Variants in NCAM2 observed in about 807,000 individuals in gnomAD.
NCAM2 encodes neural cell adhesion molecule 2, also known as N-CAM-2.
NCAM2 carries 30 observed loss-of-function variants against 98.1 expected under a neutral mutation model. That is an observed-to-expected ratio of 0.31 (90% CI 0.23 to 0.41). The LOEUF is 0.41. Ranked by LOEUF, NCAM2 falls within the 10% of genes least tolerant of loss-of-function variation. The pLI, the probability that NCAM2 is intolerant of heterozygous loss-of-function variation, is 1.00. For synonymous variants in NCAM2, 368 were observed against 342.4 expected (o/e 1.07, Z -0.83); for missense variants, 867 against 1,005.8 (o/e 0.86, Z 1.87).
intron 11 of NCAM2, among the ~76,000 whole-genome samples, chr21:21,431,147 A>G (rs1321671111): frequency 1.1e-5 from 1 of 87,758 alleles, no homozygotes; most frequent in African/African-American, 3.8e-5. Context: ...GTGTGTGTGT[A>G]TACATATATA....
chr21:21,461,997 T>G (rs2408127), intron 12 of NCAM2, among the ~76,000 whole-genome samples: 1 of 151,764 alleles, frequency 6.6e-6, no homozygotes, highest in Admixed American at 6.6e-5. Flanking sequence ...CCTGCAGAAG[T>G]CAGTCAGATA....
At chr21:21,493,301 T>G (rs1431958482) in intron 15 of NCAM2, among the ~76,000 whole-genome samples, 4 of 151,912 alleles carry the variant, frequency 2.6e-5, no homozygotes, top group African/African-American at 9.7e-5. Context: ...AAGTTGTTTT[T>G]ATAGGAGATA....
chr21:21,344,249 T>C (rs566011553), intron 8 of NCAM2, among the ~76,000 whole-genome samples: 19 of 152,098 alleles, frequency 1.2e-4, no homozygotes, highest in Non-Finnish European at 2.2e-4. Flanking sequence ...GATACCCAGG[T>C]ACTACGTCAA....
intron 8 of NCAM2, among the ~76,000 whole-genome samples, chr21:21,371,121 C>A (rs908451123): frequency 1.1e-4 from 16 of 151,482 alleles, no homozygotes; most frequent in African/African-American, 3.6e-4. Flanking sequence ...AGGAGCAAAT[C>A]CAGAGGAAAG....
intron 1 of NCAM2, among the ~76,000 whole-genome samples, chr21:21,221,088 C>T (rs2070129659): frequency 1.3e-5 from 2 of 152,042 alleles, no homozygotes; most frequent in Admixed American, 1.3e-4. Context: ...GATCAGTGAT[C>T]TTTGAAGATA....
chr21:21,408,363 A>G lies in NCAM2; in HGVS notation c.1196-1911A>G, dbSNP rs140405105. On this transcript the variant is annotated intron_variant, in intron 9 of 17. Transcript: ENST00000400546. Reference sequence around the variant, plus strand: ...TAAGTACAAAGATGTACCACCATTTATGGGATGTTAAGTTGTTTTCAGTTT... The same window carrying G: ...TAAGTACAAAGATGTACCACCATTTGTGGGATGTTAAGTTGTTTTCAGTTT... Among the ~76,000 whole-genome samples the G allele has an allele frequency of 1.3e-3, 192 of 152,348 alleles. 3 individuals carry two copies. In the East Asian group the frequency reaches 0.033, roughly 26 times the overall value.
At chr21:21,006,039 C>A (rs751280796) in intron 1 of NCAM2, among the ~76,000 whole-genome samples, 1 of 152,068 alleles carries the variant, frequency 6.6e-6, no homozygotes, top group Non-Finnish European at 1.5e-5. Flanking sequence ...GCCTGATTTG[C>A]CCAGAGATTT....
chr21:21,352,921 C>G (rs2075381831), intron 8 of NCAM2, among the ~76,000 whole-genome samples: 1 of 151,446 alleles, frequency 6.6e-6, no homozygotes, highest in South Asian at 2.1e-4. Flanking sequence ...TGGCACGATC[C>G]CAGCCCACCA....
At chr21:21,340,755 C>A (rs1218735478) in intron 8 of NCAM2, among the ~76,000 whole-genome samples, 1 of 151,946 alleles carries the variant, frequency 6.6e-6, no homozygotes, top group African/African-American at 2.4e-5. Context: ...AATGGTTGAG[C>A]TGAACTTTGA....
chr21:21,045,005 T>G (rs1347918829), intron 1 of NCAM2, among the ~76,000 whole-genome samples: 2 of 152,162 alleles, frequency 1.3e-5, no homozygotes, highest in African/African-American at 4.8e-5. Flanking sequence ...TATATCTATA[T>G]ATAAAAACAC....
chr21:21,007,227 A>G (rs540310020), intron 1 of NCAM2, among the ~76,000 whole-genome samples: 3 of 152,280 alleles, frequency 2.0e-5, no homozygotes, highest in East Asian at 3.9e-4. Flanking sequence ...TTTGTTCTCA[A>G]TATTAATGAG....
intron 1 of NCAM2, among the ~76,000 whole-genome samples, chr21:21,059,998 A>G (rs193175944): frequency 2.1e-4 from 32 of 152,212 alleles, no homozygotes; most frequent in Admixed American, 1.9e-3. Context: ...TGGATTTACT[A>G]TCATTATAAT....
intron 1 of NCAM2, among the ~76,000 whole-genome samples, chr21:21,183,121 G>A (rs1288162493): frequency 6.6e-6 from 1 of 152,062 alleles, no homozygotes; most frequent in African/African-American, 2.4e-5. Flanking sequence ...CTAAATCTTA[G>A]GCATGGTGCT....
chr21:21,059,874 C>T (rs144235660), intron 1 of NCAM2, among the ~76,000 whole-genome samples: 75 of 152,060 alleles, frequency 4.9e-4, no homozygotes, highest in African/African-American at 1.7e-3. Flanking sequence ...CAACGAAGTG[C>T]AAAATATTAA....
chr21:21,289,905 T>A (rs111411493), intron 4 of NCAM2, among the ~76,000 whole-genome samples: 1 of 152,066 alleles, frequency 6.6e-6, no homozygotes, highest in African/African-American at 2.4e-5. Context: ...AGACTCAGAA[T>A]AGTTCAGGTC....
chr21:21,260,167 A>G (rs1475207239), intron 1 of NCAM2, among the ~76,000 whole-genome samples: 1 of 151,988 alleles, frequency 6.6e-6, no homozygotes, highest in Admixed American at 6.6e-5. Context: ...ATAGAATTAA[A>G]AAGAACAAAT....
chr21:21,318,155 ACTCTGAGGGCCT>A, intron 5 of NCAM2, among the ~76,000 whole-genome samples: 1 of 152,142 alleles, frequency 6.6e-6, no homozygotes, highest in African/African-American at 2.4e-5. Context: ...TTCTTGAAAT[ACTCTGAGGGCCT>A]TTCATGTAGA....
intron 1 of NCAM2, among the ~76,000 whole-genome samples, chr21:21,036,921 T>C (rs770518291): frequency 1.3e-5 from 2 of 152,194 alleles, no homozygotes; most frequent in Non-Finnish European, 2.9e-5. Context: ...ATTTCACTAA[T>C]ATAGGTTTTT....
intron 1 of NCAM2, among the ~76,000 whole-genome samples, chr21:21,271,555 T>C (rs2147431357): frequency 1.3e-5 from 2 of 152,348 alleles, no homozygotes; most frequent in South Asian, 4.1e-4. Flanking sequence ...ATCAAGCTAT[T>C]TCTGTGCAGT....
Sources: gnomAD v4.1 joint callset for allele counts (sites outside exome capture counted in the v4.1 genomes callset) on GRCh38, gnomAD v4.1.1 for gene constraint, MANE v1.5 for transcripts, NCBI Gene and HGNC (gene_info 2026-07-23, HGNC 2026-07-21) for gene names.